Variants in VPS13B observed in about 807,000 individuals in gnomAD.
VPS13B encodes the protein intermembrane lipid transfer protein VPS13B.
Under a neutral mutation model 426.4 loss-of-function variants are expected in VPS13B, and 285 were observed. The ratio of observed to expected loss-of-function variants is 0.67; its 90% CI spans 0.61 to 0.74. VPS13B has a LOEUF of 0.74. VPS13B is among the 30% of genes least tolerant of loss of function. The pLI, the probability that VPS13B is intolerant of heterozygous loss-of-function variation, is 0.00. For missense variants in VPS13B, 4,537 were observed against 4,782.6 expected, an observed-to-expected ratio of 0.95 and a Z score of 1.51; for synonymous variants, 1,676 against 1,676.4, an observed-to-expected ratio of 1.00 and a Z score of 0.01.
intron 19 of VPS13B, among the ~76,000 whole-genome samples, chr8:99,355,777 A>G (rs1466837778): frequency 6.6e-6 from 1 of 152,170 alleles, no homozygotes; most frequent in South Asian, 2.1e-4. Flanking sequence ...TATCAGTTTC[A>G]TAGGCATTTG....
At chr8:99,771,405 T>C (rs1263260939) in intron 40 of VPS13B, among the ~76,000 whole-genome samples, 1 of 152,212 alleles carries the variant, frequency 6.6e-6, no homozygotes, top group Non-Finnish European at 1.5e-5. Context: ...CTTCATGTGA[T>C]AAAAATTAAA....
In VPS13B at chr8:99,273,523, G is replaced by A. The variant is rs548005278; in HGVS notation, c.2516-675G>A. On this transcript the variant is annotated intron_variant, in intron 17 of 61. Transcript: ENST00000357162. ...ACCTAGGCCGGGCCTGGTGGTGCAC[G>A]CCTGTAATCCTAGCACTTTGGAAGG... Among the ~76,000 whole-genome samples the A allele has an allele frequency of 4.8e-4, 73 of 152,110 alleles. 1 individual carries two copies. Among genetic ancestry groups the A allele is most frequent in the African/African-American group, 1.4e-3 (60 of 41,522 alleles).
At chr8:99,641,568 A>G (rs891998833) in intron 33 of VPS13B, among the ~76,000 whole-genome samples, 4 of 152,210 alleles carry the variant, frequency 2.6e-5, no homozygotes, top group African/African-American at 9.6e-5. Context: ...ACATTCAAAA[A>G]TATATTTTAA....
intron 3 of VPS13B, among the ~76,000 whole-genome samples, chr8:99,050,082 G>T (rs907381777): frequency 6.6e-6 from 1 of 151,136 alleles, no homozygotes; most frequent in Non-Finnish European, 1.5e-5. Context: ...CGTGCACAAC[G>T]TGCAGGTTAG....
chr8:99,357,095 T>G (rs1812221504), intron 19 of VPS13B, among the ~76,000 whole-genome samples: 1 of 152,212 alleles, frequency 6.6e-6, no homozygotes, highest in Non-Finnish European at 1.5e-5. Context: ...AAACACTACA[T>G]TCAATCTAAT....
intron 39 of VPS13B, among the ~76,000 whole-genome samples, chr8:99,739,494 G>C (rs566597712): frequency 3.9e-4 from 60 of 152,208 alleles, no homozygotes; most frequent in Non-Finnish European, 7.3e-4. Flanking sequence ...CCTGCACACA[G>C]CCAGATATCT....
At position 99,409,577 on chromosome 8, in the gene VPS13B, A is replaced by G. The variant is rs569697134; in HGVS notation, c.3082+17873A>G. 3.3e-5 allele frequency among the ~76,000 whole-genome samples: 5 copies of G among 152,092 alleles called. No individual in the cohort carries two copies. The South Asian group carries it at 1.0e-3, about 32-fold the overall frequency. Reference sequence around the variant, plus strand: ...ATTAGATATGTCAAATTAAATTACCAAAAAATAATCAAATTTTTAGGCCTG... The same window carrying G: ...ATTAGATATGTCAAATTAAATTACCGAAAAATAATCAAATTTTTAGGCCTG... On this transcript the variant is annotated intron_variant, in intron 21 of 61. Coordinates refer to ENST00000357162, the MANE Select transcript of VPS13B (RefSeq NM_152564.5).
chr8:99,238,241 AGTGT>A (rs199541620), intron 17 of VPS13B, among the ~76,000 whole-genome samples: 135 of 150,028 alleles, frequency 9.0e-4, no homozygotes, highest in East Asian at 4.3e-3. Context: ...AGTTTGTGGG[AGTGT>A]GTGTGTGTGT....
intron 17 of VPS13B, among the ~76,000 whole-genome samples, chr8:99,226,146 G>A (rs1388893941): frequency 6.6e-6 from 1 of 152,052 alleles, no homozygotes; most frequent in Non-Finnish European, 1.5e-5. Context: ...GGGTTTCACT[G>A]TGTTAGCCAG....
chr8:99,293,642 ATCTG>A (rs2133051663), intron 19 of VPS13B, among the ~76,000 whole-genome samples: 1 of 147,922 alleles, frequency 6.8e-6, no homozygotes, highest in South Asian at 2.2e-4. Flanking sequence ...CAACCTACTC[ATCTG>A]ACGAAGGGCT....
chr8:99,364,833 A>G (rs1812762705), intron 19 of VPS13B, among the ~76,000 whole-genome samples: 1 of 152,090 alleles, frequency 6.6e-6, no homozygotes, highest in Non-Finnish European at 1.5e-5. Flanking sequence ...TATTATTGAA[A>G]ATAGTTTGAG....
chr8:99,786,436 T>C (rs1310506469), intron 43 of VPS13B, among the ~76,000 whole-genome samples: 1 of 152,082 alleles, frequency 6.6e-6, no homozygotes, highest in East Asian at 1.9e-4. Flanking sequence ...CTCCCCTAGG[T>C]TTTGGCAGCA....
intron 19 of VPS13B, among the ~76,000 whole-genome samples, chr8:99,297,944 A>AT (rs1820132696): frequency 6.6e-6 from 1 of 152,018 alleles, no homozygotes; most frequent in Admixed American, 6.6e-5. Flanking sequence ...GGATATTTGG[A>AT]TATTGGGATT....
At chr8:99,166,864 A>G (rs993882666) in intron 15 of VPS13B, among the ~76,000 whole-genome samples, 2 of 152,258 alleles carry the variant, frequency 1.3e-5, no homozygotes, top group African/African-American at 2.4e-5. Context: ...AAACACAGAC[A>G]TATAGACCCG....
intron 21 of VPS13B, among the ~76,000 whole-genome samples, chr8:99,395,025 T>C (rs1336415778): frequency 2.6e-5 from 4 of 152,318 alleles, no homozygotes; most frequent in Admixed American, 2.6e-4. Flanking sequence ...TTCCCCAGTT[T>C]CTGGACATTG....
chr8:99,052,935 A>G (rs1843638244), intron 3 of VPS13B, among the ~76,000 whole-genome samples: 1 of 150,872 alleles, frequency 6.6e-6, no homozygotes, highest in African/African-American at 2.4e-5. Flanking sequence ...CTTCTTTATT[A>G]CTCTTGCTAG....
rs2132553905 is a variant in VPS13B at position 99,134,623 on chromosome 8, A to G, written c.1207-9A>G. 1 of 1,583,558 alleles carries G rather than the reference A, an allele frequency of 6.3e-7. No homozygotes were observed. The highest frequency in any genetic ancestry group is 1.7e-4 in the Middle Eastern group (1 of 5,880). On this transcript the variant is annotated splice_polypyrimidine_tract_variant and intron_variant, in intron 8 of 61. Coordinates refer to ENST00000357162, the MANE Select transcript of VPS13B (RefSeq NM_152564.5). ...AATTTGATTTACTTAATATTCTTAT[A>G]TTTCTTAGCTCACAGAAATGCAAGT...
intron 17 of VPS13B, among the ~76,000 whole-genome samples, chr8:99,270,160 G>T (rs1196229907): frequency 4.9e-4 from 1 of 2,052 alleles, no homozygotes; most frequent in Non-Finnish European, 2.3e-3. Context: ...TTTTTTTTGA[G>T]ACAGAGTCTT....
intron 3 of VPS13B, among the ~76,000 whole-genome samples, chr8:99,070,257 A>C (rs1021615193): frequency 2.6e-5 from 4 of 152,138 alleles, no homozygotes; most frequent in African/African-American, 4.8e-5. Context: ...AAAATATGTG[A>C]TCTGTTATAT....
Sources: gnomAD v4.1 joint callset for allele counts (sites outside exome capture counted in the v4.1 genomes callset) on GRCh38, gnomAD v4.1.1 for gene constraint, MANE v1.5 for transcripts, NCBI Gene and HGNC (gene_info 2026-07-23, HGNC 2026-07-21) for gene names.